Variants in AUTS2 observed in about 807,000 individuals in gnomAD.
The protein encoded by AUTS2 is autism susceptibility gene 2 protein.
AUTS2 carries 17 observed loss-of-function variants against 112.4 expected under a neutral mutation model. The observed-to-expected ratio is 0.15, with a 90% CI of 0.10 to 0.23. AUTS2 has a LOEUF of 0.23. Ranked by LOEUF, AUTS2 falls within the 10% of genes least tolerant of loss-of-function variation. The pLI is 1.00. For missense variants in AUTS2, 1,510 were observed against 1,701.6 expected (o/e 0.89, Z 1.98); for synonymous variants, 751 against 702.7 (o/e 1.07, Z -1.09).
chr7:69,872,734 A>T (rs536704800), intron 1 of AUTS2, among the ~76,000 whole-genome samples: 1 of 152,160 alleles, frequency 6.6e-6, no homozygotes, highest in South Asian at 2.1e-4. Flanking sequence ...GGTGCAGTTA[A>T]AACTACTATT....
At chr7:69,885,699 C>G (rs1301874158) in intron 1 of AUTS2, among the ~76,000 whole-genome samples, 1 of 152,132 alleles carries the variant, frequency 6.6e-6, no homozygotes, top group Non-Finnish European at 1.5e-5. Flanking sequence ...TTTACCCAGC[C>G]TTAGTTTCCT....
At chr7:70,290,481 T>C in intron 4 of AUTS2, 1 of 1,540,440 alleles carries the variant, frequency 6.5e-7, no homozygotes, top group Non-Finnish European at 8.7e-7. Context: ...GTTTCTTTTC[T>C]CTCGTCAAAT....
At position 70,146,307 on chromosome 7, in the gene AUTS2, A is replaced by G. The variant is rs929304925; in HGVS notation, c.660+11736A>G. Among the ~76,000 whole-genome samples the G allele has an allele frequency of 2.8e-5, 4 of 144,634 alleles. No homozygotes were observed. The Admixed American group carries it at 2.8e-4, about 10-fold the overall frequency. 94.9% of individuals were successfully genotyped at this position (144,634 alleles called of 152,430 possible). On this transcript the variant is annotated intron_variant, in intron 4 of 18. Coordinates refer to ENST00000342771, the MANE Select transcript of AUTS2 (RefSeq NM_015570.4). ...TACTTCTTTTCCTGCTGTGATGTGTACATTGTGTTATTTTTCTACTGGGTG... is the reference window on the plus strand; with the variant it reads ...TACTTCTTTTCCTGCTGTGATGTGTGCATTGTGTTATTTTTCTACTGGGTG...
At position 70,157,015 on chromosome 7, in the gene AUTS2, T is replaced by G. The variant is rs377060510; in HGVS notation, c.660+22444T>G. Among the ~76,000 whole-genome samples the G allele has an allele frequency of 2.7e-5, 4 of 149,768 alleles. No individual in the cohort carries two copies. In the East Asian group the frequency reaches 8.0e-4, roughly 30 times the overall value. Reference sequence around the variant, plus strand: ...TCGCTTGAACCTGGGAGGCAGAGGTTGCAGTGAGCCAAGATTGTGCCATTT... The same window carrying G: ...TCGCTTGAACCTGGGAGGCAGAGGTGGCAGTGAGCCAAGATTGTGCCATTT... On this transcript the variant is annotated intron_variant, in intron 4 of 18. Coordinates refer to ENST00000342771, the MANE Select transcript of AUTS2 (RefSeq NM_015570.4).
intron 5 of AUTS2, among the ~76,000 whole-genome samples, chr7:70,578,933 T>C (rs952816390): frequency 6.7e-6 from 1 of 150,122 alleles, no homozygotes; most frequent in African/African-American, 2.4e-5. Flanking sequence ...TTTCTTTTTT[T>C]TTTTTTGAGA....
intron 1 of AUTS2, among the ~76,000 whole-genome samples, chr7:69,720,087 A>G (rs969886748): frequency 6.6e-6 from 1 of 152,236 alleles, no homozygotes; most frequent in Non-Finnish European, 1.5e-5. Flanking sequence ...GAAATGGCAG[A>G]GAAGAGTGTA....
intron 2 of AUTS2, among the ~76,000 whole-genome samples, chr7:69,916,620 G>C (rs2072041001): frequency 6.6e-6 from 1 of 151,802 alleles, no homozygotes; most frequent in Admixed American, 6.6e-5. Context: ...CTTCCTTACT[G>C]TGTGCACCAT....
chr7:70,163,192 A>G (rs907318040), intron 4 of AUTS2, among the ~76,000 whole-genome samples: 1 of 151,884 alleles, frequency 6.6e-6, no homozygotes, highest in African/African-American at 2.4e-5. Context: ...ATGGGACAGC[A>G]TAGTTCATAT....
At chr7:70,665,295 G>A (rs111905714) in intron 5 of AUTS2, among the ~76,000 whole-genome samples, 2 of 151,704 alleles carry the variant, frequency 1.3e-5, no homozygotes, top group African/African-American at 2.4e-5. Flanking sequence ...ACAGGGTCTC[G>A]TTCTGTTGCC....
chr7:70,760,699 C>T (rs898306586), intron 6 of AUTS2, among the ~76,000 whole-genome samples: 4 of 152,214 alleles, frequency 2.6e-5, no homozygotes, highest in East Asian at 1.9e-4. Flanking sequence ...GGGACCTATC[C>T]GCAGCAAGGG....
chr7:70,450,115 T>A (rs1017302200), intron 5 of AUTS2, among the ~76,000 whole-genome samples: 1 of 152,208 alleles, frequency 6.6e-6, no homozygotes, highest in African/African-American at 2.4e-5. Context: ...AAATAGTAAC[T>A]CACTCATAGC....
At chr7:70,101,447 C>A (rs929432386) in intron 2 of AUTS2, among the ~76,000 whole-genome samples, 2 of 151,800 alleles carry the variant, frequency 1.3e-5, no homozygotes, top group Non-Finnish European at 2.9e-5. Flanking sequence ...GTAATCCCAG[C>A]ATTTTGGGAG....
At chr7:70,263,078 G>C (rs898020582) in intron 4 of AUTS2, among the ~76,000 whole-genome samples, 1 of 152,014 alleles carries the variant, frequency 6.6e-6, no homozygotes, top group African/African-American at 2.4e-5. Flanking sequence ...AAAAGTAGAA[G>C]GATTTTTTTT....
chr7:70,245,210 G>C (rs901036715), intron 4 of AUTS2, among the ~76,000 whole-genome samples: 6 of 148,284 alleles, frequency 4.0e-5, no homozygotes, highest in Non-Finnish European at 1.5e-5. Context: ...GTAAGTGCAA[G>C]ACATCTTAGA....
intron 5 of AUTS2, among the ~76,000 whole-genome samples, chr7:70,497,014 G>C (rs13241444): frequency 4.0e-3 from 133 of 33,664 alleles, no homozygotes; most frequent in Middle Eastern, 0.028. Context: ...TACACAGTCA[G>C]ACACACACAC....
intron 4 of AUTS2, among the ~76,000 whole-genome samples, chr7:70,161,147 C>A (rs1808056261): frequency 6.6e-6 from 1 of 152,118 alleles, no homozygotes; most frequent in Non-Finnish European, 1.5e-5. Flanking sequence ...AAAGTAACTT[C>A]TTTGGGGATT....
At chr7:70,123,075 C>T (rs1005074809) in intron 3 of AUTS2, among the ~76,000 whole-genome samples, 2 of 151,910 alleles carry the variant, frequency 1.3e-5, no homozygotes, top group African/African-American at 4.8e-5. Flanking sequence ...TGGGCTTCAC[C>T]ATGTTGGCCA....
chr7:70,677,536 T>C (rs75364959), intron 5 of AUTS2, among the ~76,000 whole-genome samples: 1,685 of 152,242 alleles, frequency 0.011, 28 homozygotes, highest in African/African-American at 0.038. Context: ...CTAAGTGTGT[T>C]TTCTCACCTT....
chr7:70,494,408 C>T (rs906511189), intron 5 of AUTS2, among the ~76,000 whole-genome samples: 6 of 152,282 alleles, frequency 3.9e-5, no homozygotes, highest in African/African-American at 1.4e-4. Flanking sequence ...GCCAAACACT[C>T]AGCCTCATGA....
Sources: gnomAD v4.1 joint callset for allele counts (sites outside exome capture counted in the v4.1 genomes callset) on GRCh38, gnomAD v4.1.1 for gene constraint, MANE v1.5 for transcripts, NCBI Gene and HGNC (gene_info 2026-07-23, HGNC 2026-07-21) for gene names.